The following DLGAP2 variants were observed in gnomAD, a reference collection of about 807,000 sequenced individuals.
DLGAP2 encodes disks large-associated protein 2.
A neutral mutation model predicts 100.3 loss-of-function variants in DLGAP2; 26 were observed. That is an observed-to-expected ratio of 0.26 (90% CI 0.19 to 0.36). The LOEUF (loss-of-function observed/expected upper bound fraction) is 0.36, where lower values mean the gene tolerates loss of function less well. Ranked by LOEUF, DLGAP2 falls within the 10% of genes least tolerant of loss-of-function variation. The probability of loss-of-function intolerance (pLI) is 1.00; values close to 1 mark genes in which losing one functional copy is unlikely to be tolerated. For synonymous variants in DLGAP2, 886 were observed against 630.1 expected (o/e 1.41, Z -6.08); for missense variants, 1,858 against 1,453.2 (o/e 1.28, Z -4.53).
intron 3 of DLGAP2, among the ~76,000 whole-genome samples, chr8:1,267,263 T>C (rs1419313609): frequency 6.9e-6 from 1 of 144,498 alleles, no homozygotes; most frequent in South Asian, 2.2e-4. Flanking sequence ...TAAAATAAAA[T>C]AAAATAAAAT....
intron 2 of DLGAP2, among the ~76,000 whole-genome samples, chr8:1,247,631 G>A (rs1585188544): frequency 1.5e-5 from 1 of 66,842 alleles, no homozygotes; most frequent in South Asian, 7.1e-4. Context: ...GGTCCACGTC[G>A]GTGGCCGGGA....
chr8:842,702 T>C (rs377508797), intron 1 of DLGAP2, among the ~76,000 whole-genome samples: 3 of 152,226 alleles, frequency 2.0e-5, no homozygotes, highest in Non-Finnish European at 2.9e-5. Context: ...GTTTTGCCTG[T>C]CTAATATTTG....
At chr8:782,846 C>G (rs538392672) in intron 1 of DLGAP2, among the ~76,000 whole-genome samples, 4 of 152,178 alleles carry the variant, frequency 2.6e-5, no homozygotes, top group South Asian at 2.1e-4. Context: ...GGCCCTCTTC[C>G]GCGTCTGCTG....
At chr8:893,806 C>T (rs563055891) in intron 1 of DLGAP2, among the ~76,000 whole-genome samples, 1 of 152,368 alleles carries the variant, frequency 6.6e-6, no homozygotes, top group Non-Finnish European at 1.5e-5. Flanking sequence ...AAGGTGTGTC[C>T]TGACAGAACG....
At chr8:793,116 C>T (rs1795952384) in intron 1 of DLGAP2, among the ~76,000 whole-genome samples, 1 of 152,174 alleles carries the variant, frequency 6.6e-6, no homozygotes, top group South Asian at 2.1e-4. Context: ...TCTCCCATGC[C>T]TTCCTTGTTA....
At chr8:1,084,182 G>T (rs1278314052) in intron 2 of DLGAP2, among the ~76,000 whole-genome samples, 2 of 152,058 alleles carry the variant, frequency 1.3e-5, no homozygotes, top group African/African-American at 2.4e-5. Flanking sequence ...TCTTCAAAAG[G>T]TCTAGTCTGT....
chr8:1,558,552 T>C (rs1424479157), intron 5 of DLGAP2, among the ~76,000 whole-genome samples: 55 of 135,492 alleles, frequency 4.1e-4, no homozygotes, highest in East Asian at 7.0e-4. Context: ...TACACATATA[T>C]GCACATTACA....
At chr8:1,002,964 A>G (rs1001489861) in intron 2 of DLGAP2, 2 of 152,230 alleles carry the variant, frequency 1.3e-5, no homozygotes, top group Admixed American at 6.5e-5. Flanking sequence ...TGGGATAAAA[A>G]TCCTTTATAA....
chr8:1,442,665 G>A (rs1218706481), intron 3 of DLGAP2, among the ~76,000 whole-genome samples: 4 of 145,308 alleles, frequency 2.8e-5, no homozygotes, highest in African/African-American at 1.1e-4. Flanking sequence ...ACGGATCCGG[G>A]CATAGACCCG....
chr8:1,679,459 TC>T (rs1179285241), intron 12 of DLGAP2, among the ~76,000 whole-genome samples: 1 of 146,200 alleles, frequency 6.8e-6, no homozygotes, highest in Non-Finnish European at 1.5e-5. Flanking sequence ...CCACCAAAGG[TC>T]TCACTCCTGG....
chr8:1,374,400 C>G (rs913851171), intron 3 of DLGAP2, among the ~76,000 whole-genome samples: 2 of 152,094 alleles, frequency 1.3e-5, no homozygotes, highest in East Asian at 1.9e-4. Flanking sequence ...GATTACAAGA[C>G]CAACTTTTGT....
chr8:974,549 CT>C (rs1228386025), intron 2 of DLGAP2, among the ~76,000 whole-genome samples: 1 of 152,198 alleles, frequency 6.6e-6, no homozygotes, highest in Non-Finnish European at 1.5e-5. Flanking sequence ...ACAAAGTCTG[CT>C]CTTAGACCAT....
intron 2 of DLGAP2, among the ~76,000 whole-genome samples, chr8:1,080,124 G>A (rs1039276842): frequency 5.3e-5 from 8 of 152,220 alleles, no homozygotes; most frequent in African/African-American, 1.9e-4. Flanking sequence ...CCGTGCTGCA[G>A]GTTCGCTGGG....
chr8:1,670,301 G>T (rs574729394), intron 10 of DLGAP2, among the ~76,000 whole-genome samples: 141 of 152,346 alleles, frequency 9.3e-4, no homozygotes, highest in African/African-American at 3.2e-3. Context: ...CAGTGCCGCC[G>T]CTTCCTGCCC....
At chr8:1,363,766 G>C (rs543625028) in intron 3 of DLGAP2, among the ~76,000 whole-genome samples, 8 of 152,334 alleles carry the variant, frequency 5.3e-5, no homozygotes, top group Non-Finnish European at 1.2e-4. Context: ...CATCCTTGCT[G>C]TGTGGGAACC....
intron 3 of DLGAP2, among the ~76,000 whole-genome samples, chr8:1,328,947 C>T (rs377345191): frequency 6.6e-6 from 1 of 152,242 alleles, no homozygotes; most frequent in African/African-American, 2.4e-5. Context: ...AGCACTAACA[C>T]TCTGAGTAGC....
At chr8:1,138,025 G>A (rs371284158) in intron 2 of DLGAP2, among the ~76,000 whole-genome samples, 16 of 152,206 alleles carry the variant, frequency 1.1e-4, no homozygotes, top group African/African-American at 3.1e-4. Context: ...CGTGAGCCAC[G>A]GCGCCCGGCC....
At chr8:1,470,320 C>T (rs562768827) in intron 3 of DLGAP2, among the ~76,000 whole-genome samples, 2 of 152,194 alleles carry the variant, frequency 1.3e-5, no homozygotes, top group African/African-American at 4.8e-5. Context: ...TGCCATCCTT[C>T]ATCCCTCAGC....
intron 4 of DLGAP2, among the ~76,000 whole-genome samples, chr8:1,521,858 GGGCGTCTCTGGTTTGC>G: frequency 1.3e-5 from 2 of 150,174 alleles, no homozygotes; most frequent in African/African-American, 4.9e-5. Flanking sequence ...AGGTGATTTG[GGGCGTCTCTGGTTTGC>G]ACACTTGTTT....
Sources: gnomAD v4.1 joint callset for allele counts (sites outside exome capture counted in the v4.1 genomes callset) on GRCh38, gnomAD v4.1.1 for gene constraint, MANE v1.5 for transcripts, NCBI Gene and HGNC (gene_info 2026-07-23, HGNC 2026-07-21) for gene names.